The following EXOC6B variants were observed in gnomAD, a reference collection of about 807,000 sequenced individuals.
EXOC6B encodes the protein SEC15 homolog B.
A neutral mutation model predicts 113.5 loss-of-function variants in EXOC6B; 54 were observed. The observed-to-expected ratio is 0.48, with a 90% confidence interval of 0.38 to 0.60. EXOC6B has a LOEUF of 0.60. Ranked by LOEUF, EXOC6B falls within the 20% of genes least tolerant of loss-of-function variation. The pLI, the probability that EXOC6B is intolerant of heterozygous loss-of-function variation, is 0.00. For synonymous variants in EXOC6B, 357 were observed against 339.0 expected (o/e 1.05, Z -0.58); for missense variants, 797 against 977.5 (o/e 0.82, Z 2.46).
At chr2:72,650,847 T>C (rs150693407) in intron 6 of EXOC6B, among the ~76,000 whole-genome samples, 2,305 of 148,434 alleles carry the variant, frequency 0.016, 76 homozygotes, top group African/African-American at 0.055. Flanking sequence ...TGTAAAACAG[T>C]ACATCCACTC....
chr2:72,654,181 A>C (rs1020201253), intron 6 of EXOC6B, among the ~76,000 whole-genome samples: 2 of 152,160 alleles, frequency 1.3e-5, no homozygotes, highest in African/African-American at 4.8e-5. Flanking sequence ...CGTGTTAGCC[A>C]GGATGGTCTC....
intron 18 of EXOC6B, among the ~76,000 whole-genome samples, chr2:72,458,163 T>C (rs1217779535): frequency 1.3e-5 from 2 of 152,278 alleles, no homozygotes; most frequent in African/African-American, 4.8e-5. Flanking sequence ...GAGAGCCACT[T>C]CTGTCAGGGA....
At chr2:72,751,108 G>A (rs1347989823) in intron 1 of EXOC6B, among the ~76,000 whole-genome samples, 2 of 151,996 alleles carry the variant, frequency 1.3e-5, no homozygotes, top group Non-Finnish European at 2.9e-5. Flanking sequence ...TCTGAGACAG[G>A]TCTCAGTCAA....
intron 20 of EXOC6B, among the ~76,000 whole-genome samples, chr2:72,227,920 G>A (rs1681345619): frequency 1.3e-5 from 2 of 152,138 alleles, no homozygotes; most frequent in African/African-American, 4.8e-5. Context: ...GCTTCCTAAT[G>A]TTATTCACCA....
chr2:72,790,388 A>G (rs565152289), intron 1 of EXOC6B, among the ~76,000 whole-genome samples: 186 of 152,194 alleles, frequency 1.2e-3, no homozygotes, highest in Non-Finnish European at 2.4e-3. Context: ...TTCTGCATTT[A>G]GTTTTCCATC....
Position 72,305,611 on chromosome 2 carries a change from T to G in EXOC6B, c.2196+29336A>C, listed in dbSNP as rs1686807783. Among the ~76,000 whole-genome samples the G allele has an allele frequency of 2.0e-5, 3 of 152,150 alleles. No individual in the cohort carries two copies. In the South Asian group the frequency reaches 6.2e-4, roughly 31 times the overall value. Reference sequence around the variant, plus strand: ...ATAAGACCTATAAGATCTAATATGATCCTTGGACAAATTCATAAGCTTTCT... The same window carrying G: ...ATAAGACCTATAAGATCTAATATGAGCCTTGGACAAATTCATAAGCTTTCT... On this transcript the variant is annotated intron_variant, in intron 20 of 21. Coordinates refer to ENST00000272427, the MANE Select transcript of EXOC6B (RefSeq NM_015189.3).
At chr2:72,558,091 C>G (rs944019391) in intron 8 of EXOC6B, among the ~76,000 whole-genome samples, 1 of 151,140 alleles carries the variant, frequency 6.6e-6, no homozygotes, top group African/African-American at 2.4e-5. Flanking sequence ...ATATTAAATT[C>G]AATTCTAATG....
Position 72,741,293 on chromosome 2 carries a change from A to G in EXOC6B, c.279+11T>C, listed in dbSNP as rs1224969468. On this transcript the variant is annotated intron_variant, in intron 2 of 21. Coordinates refer to ENST00000272427, the MANE Select transcript of EXOC6B (RefSeq NM_015189.3). ...AGGACGGAGAAACAGTATCTCTTAG[A>G]GCCTTCTTACTTTGAGTTTCTGGGC... 1 of 1,610,428 alleles carries G rather than the reference A, an allele frequency of 6.2e-7. No homozygotes were observed. Among genetic ancestry groups the G allele is most frequent in the Non-Finnish European group, 8.5e-7 (1 of 1,178,860 alleles).
At chr2:72,544,806 T>C (rs1702808256) in intron 8 of EXOC6B, among the ~76,000 whole-genome samples, 1 of 152,130 alleles carries the variant, frequency 6.6e-6, no homozygotes, top group South Asian at 2.1e-4. Context: ...AATACACCAT[T>C]TCCCATTTCT....
chr2:72,630,438 C>G (rs2104263129), intron 6 of EXOC6B, among the ~76,000 whole-genome samples: 1 of 152,288 alleles, frequency 6.6e-6, no homozygotes, highest in African/African-American at 2.4e-5. Flanking sequence ...TTAACAGTAA[C>G]TAACTCCCCT....
At chr2:72,763,421 G>GT (rs1439663914) in intron 1 of EXOC6B, among the ~76,000 whole-genome samples, 2 of 148,474 alleles carry the variant, frequency 1.3e-5, no homozygotes, top group East Asian at 2.0e-4. Flanking sequence ...ATTTGAACGT[G>GT]TTTTTTCTTT....
At chr2:72,370,426 G>A (rs556128507) in intron 19 of EXOC6B, among the ~76,000 whole-genome samples, 95 of 152,204 alleles carry the variant, frequency 6.2e-4, no homozygotes, top group African/African-American at 1.8e-3. Flanking sequence ...ACTGTAAACC[G>A]GTTCAACCAT....
rs371971266 is a variant in EXOC6B, at chr2:72,716,925, GA to G, written c.669+1177del. 2.3e-3 allele frequency among the ~76,000 whole-genome samples: 343 copies of G among 152,194 alleles called. No homozygotes were observed. In the Middle Eastern group the frequency reaches 0.031, roughly 14 times the overall value. ...ACTCTCCTATATTTTAAAAGCTTAG[GA>G]AAAACTGAACCAATCACAATAAAGA... On this transcript the variant is annotated intron_variant, in intron 6 of 21. Transcript: ENST00000272427.
intron 19 of EXOC6B, among the ~76,000 whole-genome samples, chr2:72,371,887 A>T (rs1019223506): frequency 3.9e-5 from 6 of 152,184 alleles, no homozygotes; most frequent in African/African-American, 1.4e-4. Flanking sequence ...AAGAGGTCAA[A>T]TTATCATTGT....
intron 6 of EXOC6B, among the ~76,000 whole-genome samples, chr2:72,653,516 C>G (rs1422822590): frequency 6.7e-6 from 1 of 149,378 alleles, no homozygotes; most frequent in Admixed American, 6.7e-5. Context: ...TGTAACTAAC[C>G]TGCACATTGT....
chr2:72,261,743 AT>A (rs1683731165), intron 20 of EXOC6B, among the ~76,000 whole-genome samples: 1 of 152,178 alleles, frequency 6.6e-6, no homozygotes. Context: ...TTGAAGGTGG[AT>A]ATTATAAATC....
intron 18 of EXOC6B, among the ~76,000 whole-genome samples, chr2:72,420,692 A>G (rs192374236): frequency 6.6e-6 from 1 of 152,302 alleles, no homozygotes; most frequent in Non-Finnish European, 1.5e-5. Context: ...TGCCACAGTA[A>G]ACATACGTGT....
At chr2:72,661,874 A>C (rs975639963) in intron 6 of EXOC6B, among the ~76,000 whole-genome samples, 4 of 152,164 alleles carry the variant, frequency 2.6e-5, no homozygotes, top group Non-Finnish European at 5.9e-5. Flanking sequence ...ACTAATCGAC[A>C]TCAGTAGAAC....
chr2:72,777,595 A>T (rs1041513722), intron 1 of EXOC6B, among the ~76,000 whole-genome samples: 3 of 152,124 alleles, frequency 2.0e-5, no homozygotes, highest in Admixed American at 6.5e-5. Context: ...CTGGAAAGAA[A>T]AAACACTAAA....
Sources: allele counts gnomAD v4.1 joint callset (sites outside exome capture counted in the v4.1 genomes callset), GRCh38; gene constraint gnomAD v4.1.1; transcripts MANE v1.5; gene names NCBI Gene and HGNC (gene_info 2026-07-23, HGNC 2026-07-21).